Variants in REPS1 observed in about 807,000 individuals in gnomAD.
REPS1 encodes ralBP1-associated Eps domain-containing protein 1.
REPS1 carries 39 observed loss-of-function variants against 100.9 expected under a neutral mutation model. The ratio of observed to expected loss-of-function variants is 0.39; its 90% confidence interval spans 0.30 to 0.50. The LOEUF (loss-of-function observed/expected upper bound fraction) is 0.50. REPS1 is among the 20% of genes least tolerant of loss of function. The probability of loss-of-function intolerance (pLI) is 0.86; values close to 1 mark genes in which losing one functional copy is unlikely to be tolerated. For missense variants in REPS1, 821 were observed against 968.5 expected, an observed-to-expected ratio of 0.85 and a Z score of 2.02; for synonymous variants, 324 against 340.3, an observed-to-expected ratio of 0.95 and a Z score of 0.53.
chr6:138,949,840 G>A (rs1782895933), intron 1 of REPS1, among the ~76,000 whole-genome samples: 1 of 152,192 alleles, frequency 6.6e-6, no homozygotes, highest in African/African-American at 2.4e-5. Flanking sequence ...AAAGACCAGA[G>A]TGTAGCTGTA....
rs1360597941 is a variant in REPS1 at position 138,941,024 on chromosome 6, C to T, written c.1135+311G>A. 3.3e-5 allele frequency among the ~76,000 whole-genome samples: 5 copies of T among 152,006 alleles called. No homozygotes were observed. In the South Asian group the frequency reaches 8.3e-4, roughly 25 times the overall value. ...ATGAAGATGGGTTACTCTATCCACT[C>T]GAGACAATATATATCACAATTAAAG... is the stretch of plus-strand genomic sequence containing the variant. On this transcript the variant is annotated intron_variant, in intron 8 of 19. Coordinates refer to ENST00000450536, the MANE Select transcript of REPS1 (RefSeq NM_001286611.2).
chr6:138,959,113 G>C lies in REPS1; in HGVS notation c.154-11200C>G, dbSNP rs115928354. 3.6e-3 allele frequency among the ~76,000 whole-genome samples: 549 copies of C among 152,256 alleles called. 3 individuals carry two copies. The highest frequency in any genetic ancestry group is 0.012 in the African/African-American group (513 of 41,548). On this transcript the variant is annotated intron_variant, in intron 1 of 19. Transcript: ENST00000450536. ...TGGTCTTTTTGCCAGGATAATGTCA[G>C]CTTCCTCAGGGCAAGTACCCCCAAG...
intron 8 of REPS1, among the ~76,000 whole-genome samples, chr6:138,931,746 C>T (rs532502766): frequency 6.6e-6 from 1 of 151,350 alleles, no homozygotes; most frequent in African/African-American, 2.4e-5. Flanking sequence ...TAGCAAATTC[C>T]TCATTGGATA....
intron 1 of REPS1, among the ~76,000 whole-genome samples, chr6:138,975,811 GAGAC>G (rs1304577508): frequency 6.6e-6 from 1 of 152,098 alleles, no homozygotes; most frequent in Non-Finnish European, 1.5e-5. Flanking sequence ...TCCAGCCTGG[GAGAC>G]AGAGCCAGAC....
chr6:138,987,412 G>A, intron 1 of REPS1, 118 bp downstream of exon 1: 5 of 1,132,434 alleles, frequency 4.4e-6, no homozygotes, highest in Non-Finnish European at 6.0e-6. Flanking sequence ...GCCCGCTGCG[G>A]GGACCCCCCG....
At position 138,987,830 on chromosome 6, in the gene REPS1, C is replaced by T. The variant is rs1302872720; in HGVS notation, c.-148G>A. On this transcript the variant is annotated 5_prime_UTR_variant, in exon 1 of 20. Coordinates refer to ENST00000450536, the MANE Select transcript of REPS1 (RefSeq NM_001286611.2). Reference sequence around the variant, plus strand: ...CCCGGCCTCACACGCGCCAGGTGCGCCCGAGCAACAGGGCCCGGAGGTCGC... The same window carrying T: ...CCCGGCCTCACACGCGCCAGGTGCGTCCGAGCAACAGGGCCCGGAGGTCGC... 2.0e-6 allele frequency: 2 copies of T among 1,002,192 alleles called. No individual in the cohort carries two copies. Among genetic ancestry groups the T allele is most frequent in the Non-Finnish European group, 2.6e-6 (2 of 761,382 alleles). 62.1% of individuals were successfully genotyped at this position (1,002,192 alleles called of 1,614,324 possible).
chr6:138,922,124 T>A (rs748674918), intron 10 of REPS1, among the ~76,000 whole-genome samples: 1 of 152,194 alleles, frequency 6.6e-6, no homozygotes, highest in Non-Finnish European at 1.5e-5. Context: ...AACTATTTCA[T>A]GAGAATCCAA....
chr6:138,971,453 T>C lies in REPS1; in HGVS notation c.153+16077A>G, dbSNP rs137955075. Among the ~76,000 whole-genome samples, 254 of 151,408 alleles carry C rather than the reference T, an allele frequency of 1.7e-3. 1 individual carries two copies. The highest frequency in any genetic ancestry group is 6.1e-3 in the African/African-American group (248 of 40,810). On this transcript the variant is annotated intron_variant, in intron 1 of 19. Transcript: ENST00000450536. ...GGCACACTGGAACTCTGTAGAAGTT[T>C]TGCCTCATTATATTTTATGAAAAAA... is the stretch of plus-strand genomic sequence containing the variant.
chr6:138,903,772 T>C lies in REPS1; in HGVS notation c.*1292A>G, dbSNP rs1779488179. The C allele has an allele frequency of 6.6e-6, 1 of 152,186 alleles. No homozygotes were observed. The highest frequency in any genetic ancestry group is 2.4e-5 in the African/African-American group (1 of 41,440). The allele number at this position is 152,186 out of a possible 1,614,324, so 9.4% of individuals were successfully genotyped here. A position where few individuals can be genotyped will look rare whatever the true frequency, so the allele number is the denominator to read the frequency against. The stretch of plus-strand genomic sequence containing the variant: ...CAACTAAAGCCATACTGAAAGCCAC[T>C]TGGAAACTTCAGCTGATGTATATTT... On this transcript the variant is annotated 3_prime_UTR_variant, in exon 20 of 20. Transcript: ENST00000450536.
intron 1 of REPS1, among the ~76,000 whole-genome samples, chr6:138,968,033 A>C (rs1784115023): frequency 6.6e-6 from 1 of 152,126 alleles, no homozygotes; most frequent in African/African-American, 2.4e-5. Context: ...AAAATATCCC[A>C]AGTCAAAAGT....
chr6:138,930,753 A>G (rs58560355), intron 8 of REPS1, among the ~76,000 whole-genome samples: 13,385 of 152,150 alleles, frequency 0.088, 1,235 homozygotes, highest in African/African-American at 0.23. Flanking sequence ...CAAGGCACAA[A>G]GCAGAAGGAG....
intron 1 of REPS1, among the ~76,000 whole-genome samples, chr6:138,948,858 T>C (rs10499206): frequency 0.088 from 13,394 of 152,212 alleles, 1,232 homozygotes; most frequent in African/African-American, 0.23. Flanking sequence ...GACCTATTAA[T>C]GATTAAGCAA....
At chr6:138,976,015 C>T (rs969898590) in intron 1 of REPS1, among the ~76,000 whole-genome samples, 1 of 152,164 alleles carries the variant, frequency 6.6e-6, no homozygotes, top group Admixed American at 6.5e-5. Flanking sequence ...TCAATACTTG[C>T]TGACACAGAA....
At chr6:138,955,937 A>G (rs1195569189) in intron 1 of REPS1, among the ~76,000 whole-genome samples, 1 of 152,188 alleles carries the variant, frequency 6.6e-6, no homozygotes, top group Non-Finnish European at 1.5e-5. Flanking sequence ...GCCCAGAAAT[A>G]TTATTATTAC....
intron 1 of REPS1, among the ~76,000 whole-genome samples, chr6:138,985,495 T>C (rs914702957): frequency 3.9e-5 from 6 of 152,230 alleles, no homozygotes; most frequent in Non-Finnish European, 7.3e-5. Flanking sequence ...GACTGTGTTT[T>C]CAGACAATCC....
At chr6:138,923,434 T>C (rs977982692) in intron 10 of REPS1, among the ~76,000 whole-genome samples, 5 of 152,210 alleles carry the variant, frequency 3.3e-5, no homozygotes, top group Non-Finnish European at 2.9e-5. Flanking sequence ...ATCTAATCTA[T>C]ATTCGACGTA....
At chr6:138,960,468 G>T (rs73563033) in intron 1 of REPS1, among the ~76,000 whole-genome samples, 13,340 of 151,338 alleles carry the variant, frequency 0.088, 1,227 homozygotes, top group African/African-American at 0.23. Flanking sequence ...ATATAACACA[G>T]TTTTATACAA....
chr6:138,945,671 C>A lies in REPS1; in HGVS notation c.304G>T (p.Val102Phe). 1 of 1,606,410 alleles carries A rather than the reference C, an allele frequency of 6.2e-7. No homozygotes were observed. Among genetic ancestry groups the A allele is most frequent in the African/African-American group, 1.3e-5 (1 of 74,602 alleles). Residue 102 changes from valine to phenylalanine, a missense_variant, in exon 3 of 20, where the codon GTT (valine) becomes TTT (phenylalanine). Around this residue, in one of 3 missense-constraint regions of REPS1, gnomAD observed 757 missense variants for 866.4 expected, o/e 0.87. Transcript: ENST00000450536. ...GATTCCTGTTCATTCTTTGAAGCAA[C>A]AAATCTTGGCAGAGGAAGGTCCTTT... ...TVKDLPLPRF[V>F]ASKNEQESRH...
At chr6:138,982,532 T>C (rs1322419094) in intron 1 of REPS1, among the ~76,000 whole-genome samples, 1 of 152,208 alleles carries the variant, frequency 6.6e-6, no homozygotes, top group Non-Finnish European at 1.5e-5. Flanking sequence ...TGGTAAATAG[T>C]ATATCTTTCC....
Sources: gnomAD v4.1 joint callset for allele counts (sites outside exome capture counted in the v4.1 genomes callset) on GRCh38, gnomAD v4.1.1 for gene constraint, gnomAD v4.1.1 regional missense constraint, MANE v1.5 for transcripts, NCBI Gene and HGNC (gene_info 2026-07-23, HGNC 2026-07-21) for gene names.